The following NUTM2G variants were observed in gnomAD, a reference collection of about 807,000 sequenced individuals.
NUTM2G encodes the protein family with sequence similarity 22, member G.
A neutral mutation model predicts 44.3 loss-of-function variants in NUTM2G; 29 were observed. The ratio of observed to expected loss-of-function variants is 0.66; its 90% CI spans 0.49 to 0.89. The LOEUF is 0.89. Among genes scored for constraint, NUTM2G ranks in the 40% least tolerant of loss-of-function variants. The pLI is 0.00. For missense variants in NUTM2G, 502 were observed against 946.5 expected, an observed-to-expected ratio of 0.53 and a Z score of 6.16; for synonymous variants, 205 against 395.9, an observed-to-expected ratio of 0.52 and a Z score of 5.72.
At chr9:96,930,539 GA>G (rs1229623762) in intron 1 of NUTM2G, among the ~76,000 whole-genome samples, 1 of 137,948 alleles carries the variant, frequency 7.2e-6, no homozygotes, top group Non-Finnish European at 1.6e-5. Flanking sequence ...AAAAAAAAAA[GA>G]AAAAAAAGAA....
chr9:96,937,207 C>A lies in NUTM2G; in HGVS notation c.1126C>A (p.Pro376Thr). ...AGAGACCAAGGTCCCTGAGGAGATC[C>A]CCCCTGAAGTGGTGCAGGAGTATGT... ...PAETKVPEEIPPEVVQEYVDI... is the reference protein window; with the variant it reads ...PAETKVPEEITPEVVQEYVDI... Residue 376 changes from proline to threonine, a missense_variant, in exon 5 of 7, where the codon CCC (proline) becomes ACC (threonine). Physicochemically the swap from Pro to Thr is conservative, Grantham distance 38. Coordinates refer to ENST00000372322, the MANE Select transcript of NUTM2G (RefSeq NM_001170741.3). The A allele has an allele frequency of 6.2e-7, 1 of 1,612,942 alleles. No individual in the cohort carries two copies.
downstream of NUTM2G, chr9:96,942,902 T>C (rs1345372124): frequency 6.2e-5 from 9 of 144,808 alleles, no homozygotes; most frequent in Non-Finnish European, 1.2e-4. Flanking sequence ...TTCATTAGAA[T>C]AGACAGAAAC....
chr9:96,940,697 A>G (rs1280003292), downstream of NUTM2G, among the ~76,000 whole-genome samples: 3 of 152,122 alleles, frequency 2.0e-5, no homozygotes, highest in Non-Finnish European at 4.4e-5. Flanking sequence ...TTGGCCCAGC[A>G]GCAGAAGCTG....
chr9:96,935,102 A>G (rs541220925), intron 2 of NUTM2G, among the ~76,000 whole-genome samples: 16 of 152,334 alleles, frequency 1.1e-4, no homozygotes, highest in African/African-American at 2.9e-4. Flanking sequence ...TGTCAACATC[A>G]TAACACCGAG....
downstream of NUTM2G, among the ~76,000 whole-genome samples, chr9:96,940,829 CCT>C (rs1826573342): frequency 6.6e-6 from 1 of 152,274 alleles, no homozygotes; most frequent in Admixed American, 6.5e-5. Flanking sequence ...CAGACAGATG[CCT>C]CTCTGCCCCA....
rs200560963 is a variant in NUTM2G, at chr9:96,934,925, C to T, written c.714-403C>T. On this transcript the variant is annotated intron_variant, in intron 2 of 6. Transcript: ENST00000372322. ...GCTCTTGTGGCTGAGAGCAAGAGCC[C>T]TGGTGTCTCCTCCTGCCCTTATCAG... 5.7e-4 allele frequency among the ~76,000 whole-genome samples: 86 copies of T among 151,766 alleles called. 1 individual carries two copies. The East Asian group carries it at 0.015, about 26-fold the overall frequency.
chr9:96,940,907 T>G (rs1588208146), downstream of NUTM2G, among the ~76,000 whole-genome samples: 1 of 151,924 alleles, frequency 6.6e-6, no homozygotes, highest in Non-Finnish European at 1.5e-5. Flanking sequence ...GGAAGGAGAG[T>G]TTATCTTGGC....
chr9:96,929,539 T>C (rs542931596), intron 1 of NUTM2G, among the ~76,000 whole-genome samples: 138 of 151,554 alleles, frequency 9.1e-4, no homozygotes, highest in Middle Eastern at 3.4e-3. Context: ...ACAGAGCATG[T>C]AGTGACAGCC....
chr9:96,931,810 C>G lies in NUTM2G; in HGVS notation c.105C>G (p.Pro35=), dbSNP rs548799786. Residue 35 remains proline (P), a synonymous_variant, in exon 2 of 7, where the codon CCC becomes CCG. Transcript: ENST00000372322. ...CTCTGCCCTTTGCCACACCCTCTCC[C>G]GGCCCAACACACAGGCCGCCCCTCG... ...FTALPFATPS[P]GPTHRPPLVT... is the part of the protein sequence containing the mutation. The G allele has an allele frequency of 6.2e-7, 1 of 1,611,954 alleles. No individual in the cohort carries two copies. The highest frequency in any genetic ancestry group is 1.1e-5 in the South Asian group (1 of 90,986).
At chr9:96,935,002 T>C (rs576353077) in intron 2 of NUTM2G, among the ~76,000 whole-genome samples, 30 of 152,218 alleles carry the variant, frequency 2.0e-4, no homozygotes, top group East Asian at 1.2e-3. Flanking sequence ...CTAACCCTGA[T>C]TGCCTCCAAA....
At chr9:96,929,400 G>C (rs1826171688) in intron 1 of NUTM2G, among the ~76,000 whole-genome samples, 2 of 151,782 alleles carry the variant, frequency 1.3e-5, no homozygotes, top group African/African-American at 4.8e-5. Context: ...GCCCTGTGCC[G>C]TGTCTTCAGG....
chr9:96,940,693 CAGCA>C (rs1346057414), downstream of NUTM2G, among the ~76,000 whole-genome samples: 2 of 152,122 alleles, frequency 1.3e-5, no homozygotes, highest in Non-Finnish European at 2.9e-5. Flanking sequence ...GGAGTTGGCC[CAGCA>C]GCAGAAGCTG....
intron 2 of NUTM2G, among the ~76,000 whole-genome samples, chr9:96,934,654 G>C (rs1054451749): frequency 1.3e-4 from 20 of 151,506 alleles, no homozygotes; most frequent in African/African-American, 4.4e-4. Flanking sequence ...CCAGGAAGCT[G>C]GTTAAATGCT....
In NUTM2G at chr9:96,931,738, A is replaced by T. The variant is rs780098745; in HGVS notation, c.33A>T (p.Gly11=). The T allele has an allele frequency of 1.7e-5, 28 of 1,611,302 alleles. No individual in the cohort carries two copies. The highest frequency in any genetic ancestry group is 9.4e-5 in the African/African-American group (7 of 74,494). Residue 11 remains glycine, a synonymous_variant, in exon 2 of 7, where the codon GGA becomes GGT. Transcript: ENST00000372322. ...TCTCCACAGCATACCCAGTGCTGGG[A>T]CCCGGCGTGACCGTGAACCCTGGCA... MASNGAYPVL[G]PGVTVNPGTS... is the part of the protein sequence containing the mutation.
chr9:96,937,333 G>A lies in NUTM2G; in HGVS notation c.1252G>A (p.Gly418Arg), dbSNP rs1213168636. The A allele has an allele frequency of 1.9e-5, 30 of 1,613,838 alleles. No individual in the cohort carries two copies. In the African/African-American group the frequency reaches 2.1e-4, roughly 11 times the overall value. ...AGTGGAGCAGCCGCAGGAAGAGGACGGGATGACCTCAGACCCGGGCCTCCT... is the reference window on the plus strand; with the variant it reads ...AGTGGAGCAGCCGCAGGAAGAGGACAGGATGACCTCAGACCCGGGCCTCCT... ...GKVEQPQEED[G>R]MTSDPGLLSY... Residue 418 changes from glycine (G) to arginine (R), a missense_variant, in exon 5 of 7, where the codon GGG becomes AGG. Gly to Arg is a moderately radical substitution (Grantham distance 125). Transcript: ENST00000372322.
At position 96,930,872 on chromosome 9, in the gene NUTM2G, G is replaced by GTTTTTTTTTTTTTTTTTTT. The variant is rs1168888338; in HGVS notation, c.17-828_17-810dup. 1.2e-4 allele frequency among the ~76,000 whole-genome samples: 9 copies of GTTTTTTTTTTTTTTTTTTT among 72,726 alleles called. 4 individuals are homozygous for GTTTTTTTTTTTTTTTTTTT. Among genetic ancestry groups the GTTTTTTTTTTTTTTTTTTT allele is most frequent in the Non-Finnish European group, 1.7e-4 (7 of 40,044 alleles). 47.7% of individuals were successfully genotyped at this position (72,726 alleles called of 152,430 possible). ...GGCTTGGGCGAGTTTCCATCCAGTG[G>GTTTTTTTTTTTTTTTTTTT]TTTTTTTTTTTTTTTTTTTTTTTTT... On this transcript the variant is annotated intron_variant, in intron 1 of 6. Transcript: ENST00000372322.
At chr9:96,940,544 T>C (rs554618043), downstream of NUTM2G, among the ~76,000 whole-genome samples, 202 of 150,726 alleles carry the variant, frequency 1.3e-3, no homozygotes, top group Admixed American at 2.7e-3. Context: ...CCTGCCCTGG[T>C]TCCCTCCTGG....
chr9:96,937,635 T>C (rs191553789), intron 5 of NUTM2G, among the ~76,000 whole-genome samples: 139 of 152,214 alleles, frequency 9.1e-4, no homozygotes, highest in African/African-American at 3.1e-3. Flanking sequence ...GGAGTGTGTA[T>C]GTTACCTGTG....
Position 96,935,441 on chromosome 9 carries a change from A to G in NUTM2G, c.827A>G (p.Tyr276Cys), listed in dbSNP as rs1826396800. 1.2e-6 allele frequency: 2 copies of G among 1,612,006 alleles called. No homozygotes were observed. The highest frequency in any genetic ancestry group is 1.7e-6 in the Non-Finnish European group (2 of 1,179,852). The stretch of plus-strand genomic sequence containing the variant: ...AGCAACTTTGACCGGATGATTTTCT[A>G]CGAGATGGCGGCAAAGTGAGTCTGG... ...HTSNFDRMIFYEMAAKFLEFE... is the reference protein window; with the variant it reads ...HTSNFDRMIFCEMAAKFLEFE... The change falls in exon 3 of 7, where the codon TAC becomes TGC. Residue 276 changes from tyrosine (Y) to cysteine (C), a missense_variant. Coordinates refer to ENST00000372322, the MANE Select transcript of NUTM2G (RefSeq NM_001170741.3).
Sources: gnomAD v4.1 joint callset for allele counts (sites outside exome capture counted in the v4.1 genomes callset) on GRCh38, gnomAD v4.1.1 for gene constraint, MANE v1.5 for transcripts, NCBI Gene and HGNC (gene_info 2026-07-23, HGNC 2026-07-21) for gene names.